The following CACNB2 variants were observed in gnomAD, a reference collection of about 807,000 sequenced individuals.
The protein encoded by CACNB2 is calcium voltage-gated channel auxiliary subunit beta 2.
Under a neutral mutation model 73.3 loss-of-function variants are expected in CACNB2, and 42 were observed. That is an observed-to-expected ratio of 0.57 (90% CI 0.45 to 0.74). The LOEUF (loss-of-function observed/expected upper bound fraction) is 0.74. CACNB2 is among the 30% of genes least tolerant of loss of function. The pLI is 0.00. For missense variants in CACNB2, 940 were observed against 853.0 expected, an observed-to-expected ratio of 1.10 and a Z score of -1.27; for synonymous variants, 348 against 310.3, an observed-to-expected ratio of 1.12 and a Z score of -1.28.
At chr10:18,298,669 G>C (rs1245719940) in intron 2 of CACNB2, among the ~76,000 whole-genome samples, 1 of 152,212 alleles carries the variant, frequency 6.6e-6, no homozygotes, top group African/African-American at 2.4e-5. Flanking sequence ...CTGGCTGTGA[G>C]TTGCAGCCCT....
rs75113019 is a variant in CACNB2 at position 18,307,410 on chromosome 10, C to T, written c.214-94514C>T. The stretch of plus-strand genomic sequence containing the variant: ...CTGAAAGGTGGAGGTTGTGGCGAGC[C>T]GAGATTGCACCACTGCACTCCAACC... On this transcript the variant is annotated intron_variant, in intron 2 of 13. Coordinates refer to ENST00000324631, the MANE Select transcript of CACNB2 (RefSeq NM_201596.3). 4.9e-4 allele frequency among the ~76,000 whole-genome samples: 75 copies of T among 152,228 alleles called. No homozygotes were observed. In the East Asian group the frequency reaches 0.013, roughly 27 times the overall value.
intron 6 of CACNB2, among the ~76,000 whole-genome samples, chr10:18,508,201 T>C (rs934782415): frequency 1.3e-5 from 2 of 152,240 alleles, no homozygotes; most frequent in Non-Finnish European, 2.9e-5. Context: ...GCACAATAAA[T>C]GAATTGCTTT....
intron 2 of CACNB2, among the ~76,000 whole-genome samples, chr10:18,201,939 C>G (rs969498454): frequency 1.3e-5 from 2 of 152,226 alleles, no homozygotes; most frequent in African/African-American, 4.8e-5. Flanking sequence ...TCTCTACCTT[C>G]TCATCTGCTT....
At chr10:18,180,543 T>C (rs1367237436) in intron 2 of CACNB2, among the ~76,000 whole-genome samples, 2 of 151,934 alleles carry the variant, frequency 1.3e-5, no homozygotes, top group Non-Finnish European at 1.5e-5. Context: ...ATCTTCACTG[T>C]CTTCATCTGC....
intron 2 of CACNB2, among the ~76,000 whole-genome samples, chr10:18,218,081 C>T (rs2035584610): frequency 6.6e-6 from 1 of 152,162 alleles, no homozygotes; most frequent in Non-Finnish European, 1.5e-5. Flanking sequence ...TGAATTCTAA[C>T]AGATGGTGCA....
At chr10:18,512,836 G>A (rs2050894349) in intron 6 of CACNB2, among the ~76,000 whole-genome samples, 1 of 152,142 alleles carries the variant, frequency 6.6e-6, no homozygotes, top group Non-Finnish European at 1.5e-5. Context: ...GTTGGCAAGA[G>A]GTCATGTGAA....
intron 2 of CACNB2, among the ~76,000 whole-genome samples, chr10:18,345,325 A>G (rs2041404555): frequency 6.6e-6 from 1 of 152,200 alleles, no homozygotes; most frequent in Non-Finnish European, 1.5e-5. Flanking sequence ...TGTATGCAGT[A>G]TTATGTATTA....
rs751930257 is a variant in CACNB2 at position 18,214,626 on chromosome 10, CAAAAAAAA to C, written c.213+63673_213+63680del. ...TGGGCAATGGAGTGAGACTCCATCT[CAAAAAAAA>C]AAAAAAAAAAAAAAAAAAAAATTAA... On this transcript the variant is annotated intron_variant, in intron 2 of 13. Transcript: ENST00000324631. 1.7e-3 allele frequency among the ~76,000 whole-genome samples: 26 copies of C among 15,100 alleles called. 5 individuals carry two copies. The highest frequency in any genetic ancestry group is 0.01 in the South Asian group (2 of 196). 9.9% of individuals were successfully genotyped at this position (15,100 alleles called of 152,430 possible).
intron 2 of CACNB2, among the ~76,000 whole-genome samples, chr10:18,166,053 C>A (rs2032829124): frequency 6.6e-6 from 1 of 152,100 alleles, no homozygotes; most frequent in African/African-American, 2.4e-5. Context: ...ATATATATGA[C>A]TGTATATGTA....
At chr10:18,528,229 G>A (rs553326923) in intron 10 of CACNB2, among the ~76,000 whole-genome samples, 2 of 152,200 alleles carry the variant, frequency 1.3e-5, no homozygotes, top group African/African-American at 2.4e-5. Flanking sequence ...GTCAATTCCT[G>A]GCTATATTTA....
At chr10:18,270,601 C>T (rs2038010667) in intron 2 of CACNB2, among the ~76,000 whole-genome samples, 1 of 152,170 alleles carries the variant, frequency 6.6e-6, no homozygotes, top group Non-Finnish European at 1.5e-5. Flanking sequence ...AGCCTTAATT[C>T]TCAGCACCTT....
chr10:18,448,206 G>A (rs116936375), intron 3 of CACNB2, among the ~76,000 whole-genome samples: 4,039 of 152,110 alleles, frequency 0.027, 77 homozygotes, highest in Non-Finnish European at 0.04. Flanking sequence ...AGCTTGGGCC[G>A]GGCATGGTGG....
At chr10:18,384,816 A>G (rs2043159046) in intron 2 of CACNB2, among the ~76,000 whole-genome samples, 1 of 151,766 alleles carries the variant, frequency 6.6e-6, no homozygotes, top group East Asian at 1.9e-4. Flanking sequence ...AAAAAAATCA[A>G]GCATTACAAG....
At chr10:18,209,469 G>A (rs1277767) in intron 2 of CACNB2, among the ~76,000 whole-genome samples, 94,231 of 151,950 alleles carry the variant, frequency 0.62, 31,953 homozygotes, top group Non-Finnish European at 0.77. Context: ...TTGCTTTTTC[G>A]TCAGCTGTGT....
intron 3 of CACNB2, among the ~76,000 whole-genome samples, chr10:18,423,366 CCAA>C (rs1367391522): frequency 2.0e-5 from 3 of 152,098 alleles, no homozygotes; most frequent in Admixed American, 6.6e-5. Flanking sequence ...CAGTAGGTTA[CCAA>C]GGCATGGGCC....
intron 2 of CACNB2, among the ~76,000 whole-genome samples, chr10:18,366,356 T>G (rs1291071963): frequency 7.3e-5 from 11 of 150,852 alleles, no homozygotes; most frequent in Non-Finnish European, 1.6e-4. Context: ...TCCTAGCTCC[T>G]CAGGAGGCTG....
intron 2 of CACNB2, among the ~76,000 whole-genome samples, chr10:18,166,745 C>T (rs942772707): frequency 4.0e-5 from 6 of 151,846 alleles, no homozygotes; most frequent in South Asian, 2.1e-4. Context: ...GGACTGTTGT[C>T]GGGTAGGGGG....
chr10:18,528,331 C>T lies in CACNB2; in HGVS notation c.1054+634C>T, dbSNP rs147493475. ...ATGGTATGTGGATACTGCTTATTAA[C>T]GTATACTGAATTGATCACACTGAGA... On this transcript the variant is annotated intron_variant, in intron 10 of 13. Transcript: ENST00000324631. Among the ~76,000 whole-genome samples, 897 of 151,992 alleles carry T rather than the reference C, an allele frequency of 5.9e-3. 11 individuals are homozygous for T. The highest frequency in any genetic ancestry group is 0.019 in the African/African-American group (778 of 41,454).
At chr10:18,293,257 C>CGTT (rs1564410855) in intron 2 of CACNB2, among the ~76,000 whole-genome samples, 1 of 152,086 alleles carries the variant, frequency 6.6e-6, no homozygotes, top group Non-Finnish European at 1.5e-5. Context: ...TTATTGTTAT[C>CGTT]GTTGATTCTT....
Sources: allele counts gnomAD v4.1 joint callset (sites outside exome capture counted in the v4.1 genomes callset), GRCh38; gene constraint gnomAD v4.1.1; transcripts MANE v1.5; gene names NCBI Gene and HGNC (gene_info 2026-07-23, HGNC 2026-07-21).